IMPG1: variants seen among roughly 807,000 people sequenced by gnomAD.
IMPG1 encodes interphotoreceptor matrix proteoglycan of 150 kDa.
In IMPG1, 85 loss-of-function variants were observed where a neutral mutation model predicts 92.0. The ratio of observed to expected loss-of-function variants is 0.92; its 90% CI spans 0.78 to 1.11. The LOEUF (loss-of-function observed/expected upper bound fraction) is 1.11, where lower values mean the gene tolerates loss of function less well. Among genes scored for constraint, IMPG1 ranks in the 50% least tolerant of loss-of-function variants. The pLI is 0.00. For synonymous variants in IMPG1, 367 were observed against 334.1 expected (o/e 1.10, Z -1.08); for missense variants, 1,022 against 956.0 (o/e 1.07, Z -0.91).
At chr6:76,052,869 CTG>C (rs1209009039) in intron 1 of IMPG1, among the ~76,000 whole-genome samples, 1 of 152,050 alleles carries the variant, frequency 6.6e-6, no homozygotes, top group Non-Finnish European at 1.5e-5. Context: ...GAATGTGAAA[CTG>C]AGGTAAGAAC....
intron 10 of IMPG1, among the ~76,000 whole-genome samples, chr6:76,005,072 A>G (rs543122906): frequency 6.6e-6 from 1 of 152,310 alleles, no homozygotes; most frequent in African/African-American, 2.4e-5. Flanking sequence ...GGATTCTCCT[A>G]GAACTATCCT....
intron 12 of IMPG1, among the ~76,000 whole-genome samples, chr6:75,988,637 C>G (rs1042290670): frequency 3.3e-5 from 5 of 152,204 alleles, no homozygotes; most frequent in African/African-American, 1.2e-4. Flanking sequence ...ATTACAGGTA[C>G]ACAGCACAAT....
chr6:76,072,588 C>T lies in IMPG1; in HGVS notation c.-100G>A. 1 of 675,998 alleles carries T rather than the reference C, an allele frequency of 1.5e-6. No homozygotes were observed. Among genetic ancestry groups the T allele is most frequent in the Non-Finnish European group, 2.5e-6 (1 of 399,684 alleles). 41.9% of individuals were successfully genotyped at this position (675,998 alleles called of 1,614,324 possible). ...TGTGAAAAATAATTATATATTGATA[C>T]CAGATGATTGAGGATAACCTTCTTG... On this transcript the variant is annotated 5_prime_UTR_variant, in exon 1 of 17. Coordinates refer to ENST00000369950, the MANE Select transcript of IMPG1 (RefSeq NM_001563.4).
At chr6:75,947,737 T>C (rs1224014810) in intron 13 of IMPG1, among the ~76,000 whole-genome samples, 1 of 152,198 alleles carries the variant, frequency 6.6e-6, no homozygotes, top group African/African-American at 2.4e-5. Flanking sequence ...ATTTCCACCT[T>C]TCTATCTGTG....
chr6:76,041,090 C>T (rs995055256), intron 2 of IMPG1, among the ~76,000 whole-genome samples: 2 of 152,100 alleles, frequency 1.3e-5, no homozygotes, highest in African/African-American at 4.8e-5. Context: ...AGATATTTTG[C>T]ATTATTTGGA....
chr6:75,972,659 C>T (rs1782442905), intron 12 of IMPG1, among the ~76,000 whole-genome samples: 1 of 152,154 alleles, frequency 6.6e-6, no homozygotes, highest in African/African-American at 2.4e-5. Flanking sequence ...ACTGTCCTTC[C>T]TTGTCTGATA....
At chr6:75,956,014 G>C (rs780763583) in intron 12 of IMPG1, among the ~76,000 whole-genome samples, 1 of 152,260 alleles carries the variant, frequency 6.6e-6, no homozygotes, top group Non-Finnish European at 1.5e-5. Context: ...GGATTTTATT[G>C]AGGATTTTTG....
chr6:75,961,909 G>A (rs1782217454), intron 12 of IMPG1, among the ~76,000 whole-genome samples: 1 of 152,054 alleles, frequency 6.6e-6, no homozygotes, highest in Admixed American at 6.6e-5. Context: ...CTAAAATGAG[G>A]TTGTAAACCA....
intron 12 of IMPG1, among the ~76,000 whole-genome samples, chr6:75,974,399 T>G (rs1352092448): frequency 2.9e-4 from 36 of 123,300 alleles, no homozygotes; most frequent in East Asian, 9.4e-4. Flanking sequence ...TTCTTTTCTT[T>G]CTTTCCTTCC....
intron 14 of IMPG1, among the ~76,000 whole-genome samples, chr6:75,944,136 C>T (rs2794283): frequency 0.11 from 16,278 of 152,186 alleles, 1,033 homozygotes; most frequent in Middle Eastern, 0.18. Flanking sequence ...ACCCAGCCTT[C>T]GCCTTTGGTG....
chr6:76,068,066 C>A (rs1378450645), intron 1 of IMPG1, among the ~76,000 whole-genome samples: 1 of 152,124 alleles, frequency 6.6e-6, no homozygotes, highest in Non-Finnish European at 1.5e-5. Flanking sequence ...GTATGACAAA[C>A]CCACAGCTAA....
intron 1 of IMPG1, among the ~76,000 whole-genome samples, chr6:76,070,439 C>T (rs534071440): frequency 6.6e-6 from 1 of 152,208 alleles, no homozygotes; most frequent in Non-Finnish European, 1.5e-5. Flanking sequence ...TAGAACTACC[C>T]TTTGATCCAG....
chr6:76,035,570 C>T lies in IMPG1; in HGVS notation c.302-783G>A, dbSNP rs570147300. Among the ~76,000 whole-genome samples, 4 of 150,332 alleles carry T rather than the reference C, an allele frequency of 2.7e-5. No homozygotes were observed. In the East Asian group the frequency reaches 5.9e-4, roughly 22 times the overall value. ...CACAGATTGTGTAGGGTTTTGCAGA[C>T]CAGCAGTCTCCAAACTGGAGTGCAG... On this transcript the variant is annotated intron_variant, in intron 2 of 16. Transcript: ENST00000369950.
chr6:75,992,569 C>A (rs1474700594), intron 12 of IMPG1, among the ~76,000 whole-genome samples: 3 of 152,180 alleles, frequency 2.0e-5, no homozygotes, highest in East Asian at 1.9e-4. Flanking sequence ...AAGCTTCACA[C>A]CAAATACAGA....
intron 12 of IMPG1, 142 bp from the exon 13 acceptor site, chr6:75,951,236 T>TA (rs397800590): frequency 1.1e-5 from 7 of 632,186 alleles, no homozygotes; most frequent in Admixed American, 6.5e-5. Flanking sequence ...TTTTTTTTTT[T>TA]AAAGAAGAGA....
intron 2 of IMPG1, among the ~76,000 whole-genome samples, chr6:76,039,283 T>C (rs936090776): frequency 1.3e-5 from 2 of 151,852 alleles, no homozygotes; most frequent in Non-Finnish European, 2.9e-5. Context: ...CAACATGGAG[T>C]AGAAAGAACT....
intron 15 of IMPG1, among the ~76,000 whole-genome samples, chr6:75,925,329 C>T (rs1483577516): frequency 6.6e-6 from 1 of 151,834 alleles, no homozygotes; most frequent in African/African-American, 2.4e-5. Context: ...ATGCATTTTG[C>T]ATTTTGTGTT....
At chr6:76,035,546 A>T (rs867839059) in intron 2 of IMPG1, among the ~76,000 whole-genome samples, 2 of 151,114 alleles carry the variant, frequency 1.3e-5, no homozygotes, top group Non-Finnish European at 2.9e-5. Flanking sequence ...CAAGGTGAAC[A>T]CAGATTGTGT....
chr6:75,953,857 G>A (rs1782074900), intron 12 of IMPG1, among the ~76,000 whole-genome samples: 2 of 152,034 alleles, frequency 1.3e-5, no homozygotes, highest in Admixed American at 6.5e-5. Flanking sequence ...GTGAGAACAT[G>A]CGGTGTTTGG....
Sources: allele counts gnomAD v4.1 joint callset (sites outside exome capture counted in the v4.1 genomes callset), GRCh38; gene constraint gnomAD v4.1.1; transcripts MANE v1.5; gene names NCBI Gene and HGNC (gene_info 2026-07-23, HGNC 2026-07-21).